LYPLAL1: variants seen among roughly 807,000 people sequenced by gnomAD.
LYPLAL1 encodes the protein lysophospholipase like 1.
Under a neutral mutation model 19.7 loss-of-function variants are expected in LYPLAL1, and 23 were observed. That is an observed-to-expected ratio of 1.17 (90% CI 0.84 to 1.65). LYPLAL1 has a LOEUF of 1.65. LYPLAL1 is among the 40% of genes most tolerant of loss of function. The probability of loss-of-function intolerance (pLI) is 0.00; values close to 1 mark genes in which losing one functional copy is unlikely to be tolerated. For missense variants in LYPLAL1, 355 were observed against 279.4 expected, an observed-to-expected ratio of 1.27 and a Z score of -1.93; for synonymous variants, 119 against 96.3, an observed-to-expected ratio of 1.24 and a Z score of -1.38.
the LYPLAL1 span, among the ~76,000 whole-genome samples, chr1:219,266,931 T>C: frequency 1.3e-5 from 2 of 152,194 alleles, no homozygotes; most frequent in East Asian, 1.9e-4. Flanking sequence ...ATTGAGAGTA[T>C]GTAGAAGATA....
chr1:219,268,887 G>A, the LYPLAL1 span, among the ~76,000 whole-genome samples: 1 of 152,146 alleles, frequency 6.6e-6, no homozygotes, highest in Non-Finnish European at 1.5e-5. Context: ...TTATAACTTG[G>A]CCCCCAAGGT....
intron 1 of LYPLAL1, among the ~76,000 whole-genome samples, chr1:219,178,341 A>G (rs1655986577): frequency 6.6e-6 from 1 of 152,194 alleles, no homozygotes; most frequent in Admixed American, 6.5e-5. Context: ...CTCCATGAGA[A>G]TAGGGACTCT....
the LYPLAL1 span, among the ~76,000 whole-genome samples, chr1:219,352,787 T>C: frequency 1.3e-5 from 2 of 152,202 alleles, no homozygotes; most frequent in Non-Finnish European, 2.9e-5. Context: ...GCTTAGGCTC[T>C]GTTCATCCAG....
chr1:219,216,849 C>CT (rs2125131582), downstream of LYPLAL1, among the ~76,000 whole-genome samples: 1 of 151,356 alleles, frequency 6.6e-6, no homozygotes, highest in South Asian at 2.1e-4. Flanking sequence ...CGGGGCAGTC[C>CT]TTAGAGCTTA....
the LYPLAL1 span, among the ~76,000 whole-genome samples, chr1:219,438,285 G>T: frequency 2.0e-5 from 3 of 152,202 alleles, no homozygotes; most frequent in Non-Finnish European, 2.9e-5. Flanking sequence ...CATGCCTAGA[G>T]TTAGGTATCT....
chr1:219,280,095 C>G, the LYPLAL1 span, among the ~76,000 whole-genome samples: 3 of 152,160 alleles, frequency 2.0e-5, no homozygotes, highest in Non-Finnish European at 4.4e-5. Context: ...AGGGAAGTCT[C>G]TGAAAATTTT....
At chr1:219,255,553 A>G in the LYPLAL1 span, among the ~76,000 whole-genome samples, 1 of 151,768 alleles carries the variant, frequency 6.6e-6, no homozygotes, top group Non-Finnish European at 1.5e-5. Flanking sequence ...CCAAATTGCA[A>G]TTTTATTTCT....
the LYPLAL1 span, among the ~76,000 whole-genome samples, chr1:219,257,389 T>C: frequency 2.8e-5 from 4 of 140,582 alleles, no homozygotes; most frequent in African/African-American, 1.1e-4. Context: ...ACTGTTTGAA[T>C]AGTATTGGGG....
At chr1:219,435,803 G>A in the LYPLAL1 span, among the ~76,000 whole-genome samples, 1 of 151,918 alleles carries the variant, frequency 6.6e-6, no homozygotes, top group South Asian at 2.1e-4. Context: ...TCCAGCCTGG[G>A]TGACATAGTG....
At chr1:219,290,155 G>T in the LYPLAL1 span, among the ~76,000 whole-genome samples, 2 of 152,210 alleles carry the variant, frequency 1.3e-5, no homozygotes, top group African/African-American at 4.8e-5. Context: ...TGATGTCTTG[G>T]TTTCATGCTG....
the LYPLAL1 span, among the ~76,000 whole-genome samples, chr1:219,392,536 C>T: frequency 7.2e-5 from 11 of 152,112 alleles, no homozygotes; most frequent in East Asian, 5.8e-4. Flanking sequence ...GTGTCGTATG[C>T]GTACTTGGAA....
the LYPLAL1 span, among the ~76,000 whole-genome samples, chr1:219,311,778 A>T: frequency 6.6e-6 from 1 of 152,118 alleles, no homozygotes; most frequent in South Asian, 2.1e-4. Context: ...TTTCTTAAGC[A>T]CTGATTTTGT....
chr1:219,174,998 A>C (rs1477393728), intron 1 of LYPLAL1: 1 of 985,344 alleles, frequency 1.0e-6, no homozygotes, highest in Non-Finnish European at 1.2e-6. Flanking sequence ...TTTTCGAAGA[A>C]AGTGGTCTTT....
At chr1:219,394,439 T>C in the LYPLAL1 span, among the ~76,000 whole-genome samples, 1 of 152,176 alleles carries the variant, frequency 6.6e-6, no homozygotes. Context: ...CACAAAATTC[T>C]TTCATCTTCC....
the LYPLAL1 span, among the ~76,000 whole-genome samples, chr1:219,375,189 G>A: frequency 6.6e-6 from 1 of 152,108 alleles, no homozygotes; most frequent in Non-Finnish European, 1.5e-5. Flanking sequence ...AAAAGAGGCC[G>A]GGCATGGTGG....
chr1:219,440,094 A>T, the LYPLAL1 span, among the ~76,000 whole-genome samples: 5 of 147,830 alleles, frequency 3.4e-5, no homozygotes, highest in East Asian at 2.0e-4. Flanking sequence ...ACACACACAC[A>T]CTCTCACTCT....
chr1:219,233,793 T>G, the LYPLAL1 span, among the ~76,000 whole-genome samples: 1 of 151,978 alleles, frequency 6.6e-6, no homozygotes, highest in South Asian at 2.1e-4. Flanking sequence ...GATGATAAAT[T>G]TTATGTTATG....
At chr1:219,392,638 T>C in the LYPLAL1 span, among the ~76,000 whole-genome samples, 3 of 152,338 alleles carry the variant, frequency 2.0e-5, no homozygotes, top group South Asian at 4.1e-4. Context: ...AATAAGGCTT[T>C]ATGATATTCA....
chr1:219,352,225 T>C, the LYPLAL1 span, among the ~76,000 whole-genome samples: 106 of 152,280 alleles, frequency 7.0e-4, 4 homozygotes, highest in East Asian at 0.02. Context: ...CACCTATAAA[T>C]TGGGGATAAT....
Sources: gnomAD v4.1 joint callset for allele counts (sites outside exome capture counted in the v4.1 genomes callset) on GRCh38, gnomAD v4.1.1 for gene constraint, MANE v1.5 for transcripts, NCBI Gene and HGNC (gene_info 2026-07-23, HGNC 2026-07-21) for gene names.